Variants in FOXO4 observed in about 807,000 individuals in gnomAD.
The protein encoded by FOXO4 is forkhead box O4, also known as forkhead box protein O4.
A neutral mutation model predicts 20.8 loss-of-function variants in FOXO4; 3 were observed. The ratio of observed to expected loss-of-function variants is 0.14; its 90% CI spans 0.07 to 0.37. FOXO4 has a LOEUF of 0.37. Among genes scored for constraint, FOXO4 ranks in the 10% least tolerant of loss-of-function variants. The pLI is 1.00. For missense variants in FOXO4, 309 were observed against 431.9 expected (o/e 0.72, Z 2.52); for synonymous variants, 158 against 180.0 (o/e 0.88, Z 0.98).
At chrX:71,097,652 C>A (rs2092221614) in intron 1 of FOXO4, among the ~76,000 whole-genome samples, 1 of 112,062 alleles carries the variant, frequency 8.9e-6, no homozygotes, top group African/African-American at 3.2e-5. Context: ...GGAAGTCATC[C>A]TTTACTGTTA....
At position 71,102,083 on chromosome X, in the gene FOXO4, G is replaced by A; in HGVS notation, c.1517G>A (p.Ter506=). ...CTGTTTCTTCTTCCCACAGATCCCTGAGTCATGCCTGGAAGCTTTGTCCCC... is the reference window on the plus strand; with the variant it reads ...CTGTTTCTTCTTCCCACAGATCCCTAAGTCATGCCTGGAAGCTTTGTCCCC... ...GLDFNFEPDP[*] The change falls in exon 3 of 3, where the codon TGA becomes TAA. Residue 506 remains the stop codon, a stop_retained_variant. Transcript: ENST00000374259. The A allele has an allele frequency of 9.9e-6, 12 of 1,210,188 alleles. No homozygotes were observed. The highest frequency in any genetic ancestry group is 1.3e-5 in the Non-Finnish European group (12 of 894,417).
rs1226647496 is a variant in FOXO4, at chrX:71,102,541, C to T, written c.*457C>T. 4 of 193,116 alleles carry T rather than the reference C, an allele frequency of 2.1e-5. No homozygotes were observed. The highest frequency in any genetic ancestry group is 6.9e-5 in the Admixed American group (1 of 14,497). The allele number at this position is 193,116 out of a possible 1,213,427, so 15.9% of individuals were successfully genotyped here. A position where few individuals can be genotyped will look rare whatever the true frequency, so the allele number is the denominator to read the frequency against. On this transcript the variant is annotated 3_prime_UTR_variant, in exon 3 of 3. Coordinates refer to ENST00000374259, the MANE Select transcript of FOXO4 (RefSeq NM_005938.4). ...AGTGGCCCCTTAGGCCAGTGATGTG[C>T]GGTGGGTGGGCTGTTTAGGGGATCT...
chrX:71,097,301 G>A (rs1038563249), intron 1 of FOXO4, among the ~76,000 whole-genome samples: 3 of 110,943 alleles, frequency 2.7e-5, no homozygotes, highest in Non-Finnish European at 5.7e-5. Flanking sequence ...CCACAGAGAA[G>A]TCTTTATCCT....
Position 71,102,557 on chromosome X carries a change from T to C in FOXO4, c.*473T>C, listed in dbSNP as rs756763189. 1 of 186,666 alleles carries C rather than the reference T, an allele frequency of 5.4e-6. No individual in the cohort carries two copies. Among genetic ancestry groups the C allele is most frequent in the Non-Finnish European group, 1.0e-5 (1 of 99,560 alleles). 15.4% of individuals were successfully genotyped at this position (186,666 alleles called of 1,213,427 possible). On this transcript the variant is annotated 3_prime_UTR_variant, in exon 3 of 3. Coordinates refer to ENST00000374259, the MANE Select transcript of FOXO4 (RefSeq NM_005938.4). Reference sequence around the variant, plus strand: ...AGTGATGTGCGGTGGGTGGGCTGTTTAGGGGATCTGGAAGGGCCAAGGTCT... The same window carrying C: ...AGTGATGTGCGGTGGGTGGGCTGTTCAGGGGATCTGGAAGGGCCAAGGTCT...
In FOXO4 at chrX:71,101,390, A is replaced by G; in HGVS notation, c.1160A>G (p.Asp387Gly). The change falls in exon 2 of 3, where the codon GAT (aspartate) becomes GGT (glycine). Residue 387 changes from aspartate (D) to glycine (G), a missense_variant. By Grantham distance (94) the Asp-to-Gly change is moderately conservative. This residue lies in a region of FOXO4 where 223 missense variants were observed against 302.7 expected (regional missense o/e 0.74). Coordinates refer to ENST00000374259, the MANE Select transcript of FOXO4 (RefSeq NM_005938.4). ...PPADVLMTQV[D>G]PILSQAPTLL... ...GCTGACGTCCTCATGACCCAGGTAG[A>G]TCCCATTCTGTCCCAGGCTCCGACT... 8.3e-7 allele frequency: 1 copy of G among 1,211,131 alleles called. No homozygotes were observed. The highest frequency in any genetic ancestry group is 1.7e-5 in the African/African-American group (1 of 57,650).
At position 71,101,362 on chromosome X, in the gene FOXO4, C is replaced by G. The variant is rs767508308; in HGVS notation, c.1132C>G (p.Pro378Ala). 6 of 1,209,522 alleles carry G rather than the reference C, an allele frequency of 5.0e-6. No homozygotes were observed. Among genetic ancestry groups the G allele is most frequent in the Non-Finnish European group, 4.5e-6 (4 of 894,854 alleles). The part of the protein sequence containing the change: ...ALLTSDTPPP[P>A]ADVLMTQVDP... Reference sequence around the variant, plus strand: ...GCTCACCTCTGATACGCCACCACCCCCTGCTGACGTCCTCATGACCCAGGT... The same window carrying G: ...GCTCACCTCTGATACGCCACCACCCGCTGCTGACGTCCTCATGACCCAGGT... The change falls in exon 2 of 3, where the codon CCT becomes GCT. Residue 378 changes from proline to alanine, a missense_variant. By Grantham distance (27) the Pro-to-Ala change is conservative. Around this residue, in one of 3 missense-constraint regions of FOXO4, gnomAD observed 223 missense variants for 302.7 expected, o/e 0.74. Transcript: ENST00000374259.
In FOXO4 at chrX:71,101,596, C is replaced by A; in HGVS notation, c.1366C>A (p.Pro456Thr). The change falls in exon 2 of 3, where the codon CCC becomes ACC. Residue 456 changes from proline to threonine, a missense_variant. By Grantham distance (38) the Pro-to-Thr change is conservative. Around this residue, in one of 3 missense-constraint regions of FOXO4, gnomAD observed 223 missense variants for 302.7 expected, o/e 0.74. Transcript: ENST00000374259. ...PKALGTPVLT[P>T]PTEAASQDRM... ...GGCTCTGGGGACTCCTGTGCTCACA[C>A]CCCCTACTGAAGCTGCAAGCCAAGA... 3 of 1,211,704 alleles carry A rather than the reference C, an allele frequency of 2.5e-6. No homozygotes were observed. Among genetic ancestry groups the A allele is most frequent in the Non-Finnish European group, 3.4e-6 (3 of 895,222 alleles).
At position 71,101,294 on chromosome X, in the gene FOXO4, C is replaced by G; in HGVS notation, c.1064C>G (p.Ala355Gly). The G allele has an allele frequency of 8.3e-7, 1 of 1,211,516 alleles. No individual in the cohort carries two copies. The highest frequency in any genetic ancestry group is 1.1e-6 in the Non-Finnish European group (1 of 895,322). ...AGCCCAGCAGAGGGGCCCCTGTCAG[C>G]AGGAGAAGGGTGCTTCTCCAGCTCC... ...LFSPAEGPLSAGEGCFSSSQA... is the reference protein window; with the variant it reads ...LFSPAEGPLSGGEGCFSSSQA... Residue 355 changes from alanine (A) to glycine (G), a missense_variant, in exon 2 of 3, where the codon GCA becomes GGA. Coordinates refer to ENST00000374259, the MANE Select transcript of FOXO4 (RefSeq NM_005938.4).
In FOXO4 at chrX:71,101,412, G is replaced by C. The variant is rs745413708; in HGVS notation, c.1182G>C (p.Pro394=). ...TAGATCCCATTCTGTCCCAGGCTCC[G>C]ACTCTTCTGTTGCTGGGGGGGCTTC... The part of the protein sequence containing the change: ...TQVDPILSQA[P]TLLLLGGLPS... The change falls in exon 2 of 3, where the codon CCG becomes CCC. Residue 394 remains proline, a synonymous_variant. Coordinates refer to ENST00000374259, the MANE Select transcript of FOXO4 (RefSeq NM_005938.4). 1.7e-6 allele frequency: 2 copies of C among 1,211,480 alleles called. No individual in the cohort carries two copies. The highest frequency in any genetic ancestry group is 2.2e-6 in the Non-Finnish European group (2 of 895,347).
rs1202207272 is a variant in FOXO4, at chrX:71,102,163, C to T, written c.*79C>T. ...TATCTACTCTTTACCCTTGAGCCCT[C>T]CCCAGGAATTTGGGACCCTGCTTTA... On this transcript the variant is annotated 3_prime_UTR_variant, in exon 3 of 3. Coordinates refer to ENST00000374259, the MANE Select transcript of FOXO4 (RefSeq NM_005938.4). The T allele has an allele frequency of 9.4e-7, 1 of 1,064,950 alleles. No homozygotes were observed. The highest frequency in any genetic ancestry group is 1.3e-6 in the Non-Finnish European group (1 of 770,601). The allele number at this position is 1,064,950 out of a possible 1,213,427, so 87.8% of individuals were successfully genotyped here.
Position 71,102,174 on chromosome X carries a change from T to A in FOXO4, c.*90T>A. The stretch of plus-strand genomic sequence containing the variant: ...TACCCTTGAGCCCTCCCCAGGAATT[T>A]GGGACCCTGCTTTAGAGCTAGGGTG... On this transcript the variant is annotated 3_prime_UTR_variant, in exon 3 of 3. Transcript: ENST00000374259. 1.0e-6 allele frequency: 1 copy of A among 978,293 alleles called. No homozygotes were observed. The highest frequency in any genetic ancestry group is 1.4e-6 in the Non-Finnish European group (1 of 692,035). 80.6% of individuals were successfully genotyped at this position (978,293 alleles called of 1,213,427 possible). A position where few individuals can be genotyped will look rare whatever the true frequency, so the allele number is the denominator to read the frequency against.
chrX:71,100,690 A>G lies in FOXO4; in HGVS notation c.460A>G (p.Ile154Val). The G allele has an allele frequency of 2.5e-6, 3 of 1,184,415 alleles. No individual in the cohort carries two copies. Among genetic ancestry groups the G allele is most frequent in the Non-Finnish European group, 3.4e-6 (3 of 880,533 alleles). ...GCCATCTCTGCCCCTCCAGAACTCG[A>G]TCCGCCACAACCTGTCCCTGCACAG... is the stretch of plus-strand genomic sequence containing the variant. The part of the protein sequence containing the change: ...SNSSAGWKNS[I>V]RHNLSLHSKF... Residue 154 changes from isoleucine (I) to valine (V), a missense_variant, in exon 2 of 3, where the codon ATC becomes GTC. This residue lies in a region of FOXO4 where 223 missense variants were observed against 302.7 expected (regional missense o/e 0.74). Coordinates refer to ENST00000374259, the MANE Select transcript of FOXO4 (RefSeq NM_005938.4).
chrX:71,097,047 C>T, intron 1 of FOXO4, 66 bp downstream of exon 1: 1 of 980,793 alleles, frequency 1.0e-6, no homozygotes, highest in Non-Finnish European at 1.4e-6. Flanking sequence ...GCCTCCCTTA[C>T]TTCTACTCTG....
Position 71,101,458 on chromosome X carries a change from A to C in FOXO4, c.1228A>C (p.Thr410Pro). The stretch of plus-strand genomic sequence containing the variant: ...GCTTCCTTCCTCCAGTAAGCTGGCC[A>C]CGGGCGTCGGCCTGTGTCCCAAGCC... ...GGLPSSSKLA[T>P]GVGLCPKPLE... The change falls in exon 2 of 3, where the codon ACG (threonine) becomes CCG (proline). Residue 410 changes from threonine to proline, a missense_variant. Thr to Pro is a conservative substitution (Grantham distance 38, BLOSUM62 -1). Transcript: ENST00000374259. The C allele has an allele frequency of 8.3e-7, 1 of 1,211,221 alleles. No individual in the cohort carries two copies. The highest frequency in any genetic ancestry group is 1.1e-6 in the Non-Finnish European group (1 of 895,368).
In FOXO4 at chrX:71,102,838, G is replaced by A. The variant is rs988587722; in HGVS notation, c.*754G>A. On this transcript the variant is annotated 3_prime_UTR_variant, in exon 3 of 3. Coordinates refer to ENST00000374259, the MANE Select transcript of FOXO4 (RefSeq NM_005938.4). ...AGGTGGGGAGTAATAGTAAACACAG[G>A]GAAGAGCTCCCCTACGGACCAGGTA... The A allele has an allele frequency of 5.3e-5, 9 of 169,971 alleles. No homozygotes were observed. In the Admixed American group the frequency reaches 7.3e-4, roughly 14 times the overall value. 14.0% of individuals were successfully genotyped at this position (169,971 alleles called of 1,213,427 possible).
At position 71,103,229 on chromosome X, in the gene FOXO4, A is replaced by G; in HGVS notation, c.*1145A>G. ...GCAGCAGGCAGCGGGGAGGGGAGGA[A>G]CAGGGAAGGGGGAGCTGGGGAGCTT... On this transcript the variant is annotated 3_prime_UTR_variant, in exon 3 of 3. Transcript: ENST00000374259. 5.8e-6 allele frequency: 1 copy of G among 173,250 alleles called. No homozygotes were observed. Among genetic ancestry groups the G allele is most frequent in the Non-Finnish European group, 1.1e-5 (1 of 89,377 alleles). The allele number at this position is 173,250 out of a possible 1,213,427, so 14.3% of individuals were successfully genotyped here.
rs755717453 is a variant in FOXO4 at position 71,101,547 on chromosome X, C to A, written c.1317C>A (p.Val439=). The change falls in exon 2 of 3, where the codon GTC becomes GTA. Residue 439 remains valine (V), a synonymous_variant. Coordinates refer to ENST00000374259, the MANE Select transcript of FOXO4 (RefSeq NM_005938.4). ...PTLSMIAPPP[V]MASAPIPKAL... is the part of the protein sequence containing the mutation. ...TTTCTATGATAGCACCACCTCCAGTCATGGCAAGTGCCCCCATCCCCAAGG... is the reference window on the plus strand; with the variant it reads ...TTTCTATGATAGCACCACCTCCAGTAATGGCAAGTGCCCCCATCCCCAAGG... 8.3e-7 allele frequency: 1 copy of A among 1,211,808 alleles called. No individual in the cohort carries two copies. The highest frequency in any genetic ancestry group is 1.7e-5 in the African/African-American group (1 of 57,797).
Position 71,102,962 on chromosome X carries a change from G to GT in FOXO4, c.*880dup, listed in dbSNP as rs2092235701. ...CAACTTGTGCCTGGGAGTGTGTGGT[G>GT]TTAGGGTGCAGCCACACTCTTCTAT... On this transcript the variant is annotated 3_prime_UTR_variant, in exon 3 of 3. Transcript: ENST00000374259. 1 of 173,230 alleles carries GT rather than the reference G, an allele frequency of 5.8e-6. No individual in the cohort carries two copies. Among genetic ancestry groups the GT allele is most frequent in the Non-Finnish European group, 1.1e-5 (1 of 90,428 alleles). 14.3% of individuals were successfully genotyped at this position (173,230 alleles called of 1,213,427 possible). A position where few individuals can be genotyped will look rare whatever the true frequency, so the allele number is the denominator to read the frequency against.
At position 71,096,712 on chromosome X, in the gene FOXO4, G is replaced by A. The variant is rs2092219141; in HGVS notation, c.184G>A (p.Gly62Arg). 1 of 1,206,316 alleles carries A rather than the reference G, an allele frequency of 8.3e-7. No homozygotes were observed. The highest frequency in any genetic ancestry group is 1.8e-5 in the South Asian group (1 of 56,081). ...TCTGGGGGAAAAGGTACACACGGAG[G>A]GGCGCTCAGAGCCGATCCTGTTGCC... is the stretch of plus-strand genomic sequence containing the variant. ...PDLGEKVHTE[G>R]RSEPILLPSR... The change falls in exon 1 of 3, where the codon GGG (glycine) becomes AGG (arginine). Residue 62 changes from glycine to arginine, a missense_variant. By Grantham distance (125) the Gly-to-Arg change is moderately radical. This residue lies in a region of FOXO4 where 81 missense variants were observed against 94.2 expected (regional missense o/e 0.86). Coordinates refer to ENST00000374259, the MANE Select transcript of FOXO4 (RefSeq NM_005938.4).
Sources: gnomAD v4.1 joint callset for allele counts (sites outside exome capture counted in the v4.1 genomes callset) on GRCh38, gnomAD v4.1.1 for gene constraint, gnomAD v4.1.1 regional missense constraint, MANE v1.5 for transcripts, NCBI Gene and HGNC (gene_info 2026-07-23, HGNC 2026-07-21) for gene names.